Variants in UBE2K observed in about 807,000 individuals in gnomAD.
UBE2K encodes the protein ubiquitin-conjugating enzyme E2 K.
Under a neutral mutation model 30.0 loss-of-function variants are expected in UBE2K, and 6 were observed. The observed-to-expected ratio is 0.20, with a 90% CI of 0.11 to 0.39. The LOEUF (loss-of-function observed/expected upper bound fraction) is 0.39. Among genes scored for constraint, UBE2K ranks in the 10% least tolerant of loss-of-function variants. The pLI, the probability that UBE2K is intolerant of heterozygous loss-of-function variation, is 1.00. For missense variants in UBE2K, 61 were observed against 241.6 expected (o/e 0.25, Z 4.96); for synonymous variants, 86 against 83.7 (o/e 1.03, Z -0.15).
chr4:39,750,713 T>C (rs1721210196), intron 3 of UBE2K, among the ~76,000 whole-genome samples: 1 of 116,866 alleles, frequency 8.6e-6, no homozygotes, highest in African/African-American at 3.5e-5. Flanking sequence ...ATCTTGAAGA[T>C]TAAATTCTTT....
chr4:39,704,963 C>T lies in UBE2K; in HGVS notation c.63+6573C>T, dbSNP rs1267230425. ...TCGGCTCACCGCAACCTCCGCCTCC[C>T]GGGTTCAAGCAATTCTCCTGTCTCA... On this transcript the variant is annotated intron_variant, in intron 1 of 6. Coordinates refer to ENST00000261427, the MANE Select transcript of UBE2K (RefSeq NM_005339.5). Among the ~76,000 whole-genome samples, 10 of 151,656 alleles carry T rather than the reference C, an allele frequency of 6.6e-5. 1 individual carries two copies. The highest frequency in any genetic ancestry group is 1.9e-4 in the East Asian group (1 of 5,152).
intron 3 of UBE2K, among the ~76,000 whole-genome samples, chr4:39,751,691 G>T (rs867987730): frequency 6.6e-6 from 1 of 151,726 alleles, no homozygotes; most frequent in Non-Finnish European, 1.5e-5. Context: ...AAATAAAAAA[G>T]GCCACGCGCA....
At chr4:39,749,458 G>T (rs900649719) in intron 3 of UBE2K, among the ~76,000 whole-genome samples, 1 of 151,934 alleles carries the variant, frequency 6.6e-6, no homozygotes, top group African/African-American at 2.4e-5. Flanking sequence ...GAGCTCAGAA[G>T]TTCATGACCA....
chr4:39,763,327 C>T (rs1473797054), intron 4 of UBE2K, among the ~76,000 whole-genome samples: 2 of 151,584 alleles, frequency 1.3e-5, no homozygotes, highest in Non-Finnish European at 2.9e-5. Flanking sequence ...TGTTGGCTCA[C>T]TGCAACCTCC....
At chr4:39,706,242 T>C (rs1157178754) in intron 1 of UBE2K, among the ~76,000 whole-genome samples, 3 of 151,966 alleles carry the variant, frequency 2.0e-5, no homozygotes, top group African/African-American at 7.2e-5. Flanking sequence ...GGTCTCGATC[T>C]CCTGACCTCG....
chr4:39,701,311 A>G (rs1717995580), intron 1 of UBE2K, among the ~76,000 whole-genome samples: 1 of 152,202 alleles, frequency 6.6e-6, no homozygotes, highest in African/African-American at 2.4e-5. Context: ...GTAAATTATT[A>G]ATTGTGAGGA....
intron 2 of UBE2K, among the ~76,000 whole-genome samples, chr4:39,742,843 C>T (rs1437894184): frequency 1.3e-5 from 2 of 152,040 alleles, no homozygotes; most frequent in African/African-American, 4.8e-5. Flanking sequence ...GCCAGAAGTT[C>T]AAGCCCAGCC....
chr4:39,753,400 TCTTA>T (rs1370221036), intron 3 of UBE2K, among the ~76,000 whole-genome samples: 1 of 152,350 alleles, frequency 6.6e-6, no homozygotes, highest in East Asian at 1.9e-4. Flanking sequence ...TATATTACTG[TCTTA>T]CTTAGCTTGC....
intron 4 of UBE2K, among the ~76,000 whole-genome samples, chr4:39,768,286 A>AAT (rs1286335195): frequency 6.6e-6 from 1 of 150,520 alleles, no homozygotes; most frequent in African/African-American, 2.4e-5. Flanking sequence ...CAAAAAAAAA[A>AAT]AAAAAAAAAT....
intron 4 of UBE2K, among the ~76,000 whole-genome samples, chr4:39,773,858 T>C (rs910799309): frequency 8.6e-5 from 13 of 151,466 alleles, no homozygotes; most frequent in Non-Finnish European, 1.2e-4. Flanking sequence ...GAGGCGGAGC[T>C]TGCAGGGAGC....
At chr4:39,698,963 CATAAT>C (rs1338721350) in intron 1 of UBE2K, among the ~76,000 whole-genome samples, 1 of 152,148 alleles carries the variant, frequency 6.6e-6, no homozygotes, top group Admixed American at 6.5e-5. Flanking sequence ...CAAAGGGAGA[CATAAT>C]AGAATACTGT....
At chr4:39,736,201 G>A (rs1215925255) in intron 1 of UBE2K, among the ~76,000 whole-genome samples, 2 of 152,162 alleles carry the variant, frequency 1.3e-5, no homozygotes, top group Non-Finnish European at 2.9e-5. Flanking sequence ...GGTGCCTCAC[G>A]TCTATAATCC....
intron 3 of UBE2K, among the ~76,000 whole-genome samples, chr4:39,752,248 G>C (rs1479483686): frequency 1.3e-5 from 2 of 149,720 alleles, no homozygotes; most frequent in Admixed American, 6.7e-5. Context: ...TCCTGCCTCA[G>C]CCATCCGAGT....
intron 3 of UBE2K, 65 bp from the exon 4 acceptor site, chr4:39,755,592 T>C: frequency 4.2e-6 from 5 of 1,185,110 alleles, no homozygotes; most frequent in Non-Finnish European, 6.1e-6. Flanking sequence ...TTTCATTTTC[T>C]TGTAGTTCTA....
chr4:39,771,046 A>G, intron 4 of UBE2K: 1 of 1,612,296 alleles, frequency 6.2e-7, no homozygotes, highest in Non-Finnish European at 8.5e-7. Context: ...TTTGAGGCCT[A>G]TTTTGGGCTC....
intron 3 of UBE2K, among the ~76,000 whole-genome samples, chr4:39,753,534 T>C (rs1481806786): frequency 6.6e-6 from 1 of 152,174 alleles, no homozygotes; most frequent in Non-Finnish European, 1.5e-5. Flanking sequence ...TACAGTGTCT[T>C]TTAGGGAAGA....
At chr4:39,717,338 A>G (rs1030956996) in intron 1 of UBE2K, among the ~76,000 whole-genome samples, 10 of 151,650 alleles carry the variant, frequency 6.6e-5, no homozygotes, top group Admixed American at 2.0e-4. Context: ...TGTTCAAGCA[A>G]TTCTGCCTCA....
intron 4 of UBE2K, chr4:39,770,099 A>T (rs1712677070): frequency 1.3e-6 from 2 of 1,566,200 alleles, no homozygotes; most frequent in Admixed American, 3.5e-5. Context: ...TGAGGACATT[A>T]ATCTCGGCCA....
chr4:39,715,324 G>A (rs1041574366), intron 1 of UBE2K, among the ~76,000 whole-genome samples: 2 of 151,808 alleles, frequency 1.3e-5, no homozygotes, highest in Admixed American at 6.6e-5. Flanking sequence ...CACCGCGCCC[G>A]GCCAGCTAAT....
Sources: gnomAD v4.1 joint callset for allele counts (sites outside exome capture counted in the v4.1 genomes callset) on GRCh38, gnomAD v4.1.1 for gene constraint, MANE v1.5 for transcripts, NCBI Gene and HGNC (gene_info 2026-07-23, HGNC 2026-07-21) for gene names.